GON4L: variants seen among roughly 807,000 people sequenced by gnomAD.
GON4L encodes GON-4-like protein.
GON4L carries 87 observed loss-of-function variants against 211.8 expected under a neutral mutation model. The observed-to-expected ratio is 0.41, with a 90% CI of 0.35 to 0.49. GON4L has a LOEUF of 0.49. Among genes scored for constraint, GON4L ranks in the 20% least tolerant of loss-of-function variants. GON4L has a pLI of 0.15. For missense variants in GON4L, 2,155 were observed against 2,659.5 expected (o/e 0.81, Z 4.17); for synonymous variants, 875 against 962.6 (o/e 0.91, Z 1.68).
At chr1:155,817,183 G>A (rs1668329341) in intron 6 of GON4L, among the ~76,000 whole-genome samples, 1 of 151,990 alleles carries the variant, frequency 6.6e-6, no homozygotes, top group Non-Finnish European at 1.5e-5. Flanking sequence ...TTGTAGAGAT[G>A]GAGTCTCATT....
chr1:155,853,291 C>T lies in GON4L; in HGVS notation c.490G>A (p.Val164Ile), dbSNP rs1201034210. The T allele has an allele frequency of 2.5e-6, 4 of 1,613,936 alleles. No individual in the cohort carries two copies. Among genetic ancestry groups the T allele is most frequent in the Non-Finnish European group, 3.4e-6 (4 of 1,179,778 alleles). The change falls in exon 2 of 32, where the codon GTC (valine) becomes ATC (isoleucine). Residue 164 changes from valine to isoleucine, a missense_variant. Physicochemically the swap from Val to Ile is conservative, Grantham distance 29. Coordinates refer to ENST00000368331, the MANE Select transcript of GON4L (RefSeq NM_001282860.2). ...TATACCTTACCTCCTTCTTCCTTGACTTCTTCACTAGGCTCTCCTGAAAAA... is the reference window on the plus strand; with the variant it reads ...TATACCTTACCTCCTTCTTCCTTGATTTCTTCACTAGGCTCTCCTGAAAAA... Reference protein sequence around the residue: ...EPFSGEPSEEVKEEGGKPQMN... With the variant: ...EPFSGEPSEEIKEEGGKPQMN...
intron 27 of GON4L, among the ~76,000 whole-genome samples, chr1:155,755,160 C>G (rs945426102): frequency 1.3e-5 from 2 of 150,510 alleles, no homozygotes; most frequent in Non-Finnish European, 3.0e-5. Flanking sequence ...AACTTCCACT[C>G]CCCGGGATCA....
chr1:155,801,612 G>T (rs1666670952), intron 11 of GON4L, among the ~76,000 whole-genome samples: 2 of 152,032 alleles, frequency 1.3e-5, no homozygotes, highest in African/African-American at 4.8e-5. Flanking sequence ...GCCAGGTGCG[G>T]TGGCTCATGC....
In GON4L at chr1:155,756,744, G is replaced by C. The variant is rs2101651460; in HGVS notation, c.5517+214C>G. On this transcript the variant is annotated intron_variant, in intron 27 of 31. Transcript: ENST00000368331. ...GTTCGAGACCAGCCTGGCCAACATA[G>C]TGAAAATCCATCTCTACTAAAAATA... 3 of 502,520 alleles carry C rather than the reference G, an allele frequency of 6.0e-6. No individual in the cohort carries two copies. The South Asian group carries it at 6.3e-5, about 11-fold the overall frequency. The allele number at this position is 502,520 out of a possible 1,614,324, so 31.1% of individuals were successfully genotyped here. A position where few individuals can be genotyped will look rare whatever the true frequency, so the allele number is the denominator to read the frequency against.
chr1:155,821,743 C>T (rs968459301), intron 4 of GON4L, among the ~76,000 whole-genome samples, 195 bp from the exon 5 acceptor site: 1 of 152,154 alleles, frequency 6.6e-6, no homozygotes, highest in Non-Finnish European at 1.5e-5. Flanking sequence ...CACACAGTTT[C>T]AAACAATGTA....
At chr1:155,822,150 T>C (rs2102260955) in intron 4 of GON4L, 136 bp downstream of exon 4, 1 of 760,164 alleles carries the variant, frequency 1.3e-6, no homozygotes, top group Non-Finnish European at 2.4e-6. Context: ...TATGTAAAAA[T>C]GTAAAATGTT....
At chr1:155,792,053 G>T (rs1158681415) in intron 12 of GON4L, among the ~76,000 whole-genome samples, 1 of 152,068 alleles carries the variant, frequency 6.6e-6, no homozygotes, top group Admixed American at 6.6e-5. Flanking sequence ...GTTCAATAAG[G>T]AAAGTATTAA....
chr1:155,785,196 C>G (rs1455977840), intron 13 of GON4L, 138 bp downstream of exon 13: 4 of 763,446 alleles, frequency 5.2e-6, no homozygotes, highest in Non-Finnish European at 7.3e-6. Context: ...TCATTATATT[C>G]TTTCCCAGGT....
In GON4L at chr1:155,759,489, G is replaced by A. The variant is rs557636795; in HGVS notation, c.5109+955C>T. ...CTCGGGAGGCTGAGGCAGGAAAATC[G>A]CTTGAACCCAGGAGGCGGAGGTTGC... is the stretch of plus-strand genomic sequence containing the variant. On this transcript the variant is annotated intron_variant, in intron 24 of 31. Coordinates refer to ENST00000368331, the MANE Select transcript of GON4L (RefSeq NM_001282860.2). Among the ~76,000 whole-genome samples the A allele has an allele frequency of 1.8e-4, 28 of 151,944 alleles. 1 individual carries two copies. In the South Asian group the frequency reaches 5.6e-3, roughly 30 times the overall value.
In GON4L at chr1:155,853,768, T is replaced by C; in HGVS notation, c.13A>G (p.Lys5Glu). Residue 5 changes from lysine (K) to glutamate (E), a missense_variant, in exon 2 of 32, where the codon AAG becomes GAG. Physicochemically the swap from Lys to Glu is moderately conservative, Grantham distance 56. Transcript: ENST00000368331. Reference sequence around the variant, plus strand: ...TCTGTCACTGTAGTTCTTCTCTTCTTACAGGGCAACATTTTAAAAGTCCCA... The same window carrying C: ...TCTGTCACTGTAGTTCTTCTCTTCTCACAGGGCAACATTTTAAAAGTCCCA... MLPC[K>E]KRRTTVTESL... 6.2e-7 allele frequency: 1 copy of C among 1,613,632 alleles called. No individual in the cohort carries two copies. The highest frequency in any genetic ancestry group is 8.5e-7 in the Non-Finnish European group (1 of 1,179,540).
At chr1:155,850,041 A>G (rs1671639328) in intron 2 of GON4L, among the ~76,000 whole-genome samples, 1 of 151,438 alleles carries the variant, frequency 6.6e-6, no homozygotes, top group African/African-American at 2.4e-5. Context: ...GGGAGAATAA[A>G]GAAAAACCTT....
chr1:155,815,795 A>G lies in GON4L; in HGVS notation c.1161+10T>C. The stretch of plus-strand genomic sequence containing the variant: ...ATTAAGACAAATATTACCAACTAAC[A>G]TTCACTGACCTCTTCAGCAGTTTCA... On this transcript the variant is annotated intron_variant, in intron 8 of 31. Coordinates refer to ENST00000368331, the MANE Select transcript of GON4L (RefSeq NM_001282860.2). The G allele has an allele frequency of 6.7e-7, 1 of 1,490,906 alleles. No homozygotes were observed. Among genetic ancestry groups the G allele is most frequent in the Non-Finnish European group, 9.4e-7 (1 of 1,067,658 alleles). 92.4% of individuals were successfully genotyped at this position (1,490,906 alleles called of 1,614,324 possible).
intron 1 of GON4L, among the ~76,000 whole-genome samples, chr1:155,855,181 C>T (rs776537747): frequency 2.8e-4 from 42 of 152,162 alleles, no homozygotes; most frequent in Admixed American, 2.6e-4. Context: ...GCATTACTGA[C>T]CTAAACCAGA....
chr1:155,853,040 AGGTGGAGG>A (rs751741101), intron 2 of GON4L, among the ~76,000 whole-genome samples: 13 of 152,074 alleles, frequency 8.5e-5, no homozygotes, highest in Non-Finnish European at 1.9e-4. Context: ...TGAACCCAGG[AGGTGGAGG>A]CTGCAGTGAG....
intron 24 of GON4L, among the ~76,000 whole-genome samples, chr1:155,759,968 TA>T (rs1661609182): frequency 8.6e-6 from 1 of 115,778 alleles, no homozygotes; most frequent in African/African-American, 5.2e-5. Context: ...TTATATATTA[TA>T]TATATATATA....
chr1:155,753,089 G>C, intron 29 of GON4L, 115 bp downstream of exon 29: 2 of 747,446 alleles, frequency 2.7e-6, no homozygotes, highest in Non-Finnish European at 4.5e-6. Flanking sequence ...ATCAGTGAAA[G>C]AGGTGGTATA....
Position 155,839,294 on chromosome 1 carries a change from G to GA in GON4L, c.506-12267dup, listed in dbSNP as rs35328155. On this transcript the variant is annotated intron_variant, in intron 2 of 31. Transcript: ENST00000368331. Reference sequence around the variant, plus strand: ...GAAAGAATCCTGCAGATCTCAGTGGGAAAAAAAAAAGGATCTTATATGGTA... The same window carrying GA: ...GAAAGAATCCTGCAGATCTCAGTGGGAAAAAAAAAAAGGATCTTATATGGTA... 6.6e-3 allele frequency among the ~76,000 whole-genome samples: 974 copies of GA among 146,906 alleles called. 6 individuals carry two copies. Among genetic ancestry groups the GA allele is most frequent in the Non-Finnish European group, 8.0e-3 (529 of 66,334 alleles).
chr1:155,831,786 A>T (rs1190877742), intron 2 of GON4L, among the ~76,000 whole-genome samples: 1 of 151,948 alleles, frequency 6.6e-6, no homozygotes, highest in African/African-American at 2.4e-5. Flanking sequence ...AGTGCCAGTT[A>T]CTTGGTAGGA....
At chr1:155,775,558 G>T (rs11264410) in intron 16 of GON4L, among the ~76,000 whole-genome samples, 1 of 151,188 alleles carries the variant, frequency 6.6e-6, no homozygotes, top group Non-Finnish European at 1.5e-5. Flanking sequence ...GGGCTCAAGC[G>T]ATTCTTCTCC....
Sources: gnomAD v4.1 joint callset for allele counts (sites outside exome capture counted in the v4.1 genomes callset) on GRCh38, gnomAD v4.1.1 for gene constraint, MANE v1.5 for transcripts, NCBI Gene and HGNC (gene_info 2026-07-23, HGNC 2026-07-21) for gene names.